Variants in CSMD1 observed in about 807,000 individuals in gnomAD.
The protein encoded by CSMD1 is CUB and Sushi multiple domains 1.
Under a neutral mutation model 417.5 loss-of-function variants are expected in CSMD1, and 213 were observed. That is an observed-to-expected ratio of 0.51 (90% CI 0.46 to 0.57). The LOEUF is 0.57. Among genes scored for constraint, CSMD1 ranks in the 20% least tolerant of loss-of-function variants. The pLI is 0.00. For synonymous variants in CSMD1, 2,862 were observed against 1,736.8 expected, an observed-to-expected ratio of 1.65 and a Z score of -16.11; for missense variants, 6,923 against 4,529.7, an observed-to-expected ratio of 1.53 and a Z score of -15.17.
intron 7 of CSMD1, among the ~76,000 whole-genome samples, chr8:3,696,749 G>C (rs78205737): frequency 1.6e-4 from 24 of 152,322 alleles, no homozygotes; most frequent in African/African-American, 5.5e-4. Context: ...TTATAAACTA[G>C]ATGTCAAGAA....
At chr8:4,478,789 A>G (rs1179475566) in intron 2 of CSMD1, among the ~76,000 whole-genome samples, 3 of 152,218 alleles carry the variant, frequency 2.0e-5, no homozygotes, top group African/African-American at 7.2e-5. Context: ...TGGCATTCAA[A>G]ATATTTAAAT....
intron 3 of CSMD1, among the ~76,000 whole-genome samples, chr8:4,313,574 G>C (rs1375615206): frequency 1.3e-5 from 2 of 150,246 alleles, no homozygotes; most frequent in African/African-American, 2.4e-5. Flanking sequence ...AGGGAAAGAA[G>C]AATGTTGGAA....
At chr8:4,363,034 G>A (rs905799986) in intron 3 of CSMD1, among the ~76,000 whole-genome samples, 3 of 152,144 alleles carry the variant, frequency 2.0e-5, no homozygotes, top group African/African-American at 7.2e-5. Context: ...ATTTACTTCT[G>A]CTACTACGGA....
At chr8:4,609,819 C>T (rs1801070473) in intron 2 of CSMD1, among the ~76,000 whole-genome samples, 2 of 152,092 alleles carry the variant, frequency 1.3e-5, no homozygotes, top group African/African-American at 4.8e-5. Context: ...TACGATAAAA[C>T]CAAGCATCAA....
intron 7 of CSMD1, among the ~76,000 whole-genome samples, chr8:3,686,159 A>C (rs775676667): frequency 7.2e-5 from 11 of 152,112 alleles, no homozygotes; most frequent in Non-Finnish European, 1.6e-4. Context: ...GGTAGGTTTC[A>C]AAATTCTTAT....
chr8:4,908,384 T>C (rs1805438484), intron 1 of CSMD1, among the ~76,000 whole-genome samples: 1 of 152,214 alleles, frequency 6.6e-6, no homozygotes, highest in Non-Finnish European at 1.5e-5. Flanking sequence ...CTTGGTTCTG[T>C]AGTTTAGTGT....
At chr8:3,925,649 A>G (rs1388770943) in intron 5 of CSMD1, among the ~76,000 whole-genome samples, 2 of 152,018 alleles carry the variant, frequency 1.3e-5, no homozygotes, top group Non-Finnish European at 2.9e-5. Flanking sequence ...TGGGCTTATC[A>G]GAGGTTTCCA....
At chr8:3,733,257 T>C (rs547246827) in intron 6 of CSMD1, among the ~76,000 whole-genome samples, 3 of 79,476 alleles carry the variant, frequency 3.8e-5, no homozygotes, top group South Asian at 1.1e-3. Context: ...TTAATATATA[T>C]ACACATACAC....
At chr8:4,769,786 G>T (rs1585070954) in intron 1 of CSMD1, among the ~76,000 whole-genome samples, 1 of 152,118 alleles carries the variant, frequency 6.6e-6, no homozygotes, top group South Asian at 2.1e-4. Context: ...AATGTGAATT[G>T]CCACGTTTAG....
chr8:4,975,872 A>G (rs1436176217), intron 1 of CSMD1, among the ~76,000 whole-genome samples: 1 of 152,232 alleles, frequency 6.6e-6, no homozygotes, highest in Non-Finnish European at 1.5e-5. Flanking sequence ...GCACTCTAAG[A>G]TAAACCAATT....
At chr8:4,109,516 A>C (rs1399473114) in intron 3 of CSMD1, among the ~76,000 whole-genome samples, 1 of 152,138 alleles carries the variant, frequency 6.6e-6, no homozygotes, top group African/African-American at 2.4e-5. Context: ...AAGTAGACTT[A>C]TTGTCAGTAG....
At chr8:3,105,850 G>C (rs16806) in intron 46 of CSMD1, among the ~76,000 whole-genome samples, 110,329 of 152,182 alleles carry the variant, frequency 0.72, 41,250 homozygotes, top group East Asian at 0.96. Flanking sequence ...ATGTGATAAA[G>C]GAAATACTTT....
rs901119240 is a variant in CSMD1, at chr8:3,034,919, G to A, written c.7661-5406C>T. On this transcript the variant is annotated intron_variant, in intron 50 of 69. Coordinates refer to ENST00000635120, the MANE Select transcript of CSMD1 (RefSeq NM_033225.6). The stretch of plus-strand genomic sequence containing the variant: ...CACAGAAGGCAAAGCGTGAGCCAGC[G>A]GCACTGTGGAGAAAGGGAAGGAGGG... Among the ~76,000 whole-genome samples, 7 of 152,214 alleles carry A rather than the reference G, an allele frequency of 4.6e-5. No homozygotes were observed. In the East Asian group the frequency reaches 1.2e-3, roughly 25 times the overall value.
At chr8:4,801,488 G>C (rs1798281916) in intron 1 of CSMD1, among the ~76,000 whole-genome samples, 1 of 151,872 alleles carries the variant, frequency 6.6e-6, no homozygotes, top group African/African-American at 2.4e-5. Context: ...TTCAAATTGA[G>C]GGGCGCAAGT....
At chr8:4,957,720 G>C (rs988921489) in intron 1 of CSMD1, among the ~76,000 whole-genome samples, 7 of 152,070 alleles carry the variant, frequency 4.6e-5, no homozygotes, top group African/African-American at 1.4e-4. Flanking sequence ...TTCTTACCAT[G>C]TCTCTTTTCC....
chr8:4,989,930 A>G (rs147883727), intron 1 of CSMD1, among the ~76,000 whole-genome samples: 2 of 152,286 alleles, frequency 1.3e-5, no homozygotes, highest in East Asian at 3.9e-4. Context: ...GTAAGGAAGC[A>G]TTGCCCCCGG....
chr8:4,411,993 T>TGTGTGTGG (rs1225681098), intron 3 of CSMD1, among the ~76,000 whole-genome samples: 3 of 141,766 alleles, frequency 2.1e-5, no homozygotes, highest in Non-Finnish European at 3.0e-5. Flanking sequence ...GCTAAGGGTG[T>TGTGTGTGG]GTGTGTGTGT....
chr8:3,039,250 G>A (rs1161603454), intron 50 of CSMD1, among the ~76,000 whole-genome samples: 3 of 136,618 alleles, frequency 2.2e-5, no homozygotes, highest in Non-Finnish European at 3.0e-5. Flanking sequence ...TCTGACTCCC[G>A]TGCCTGAAAC....
At chr8:3,617,242 A>G (rs747835189) in intron 7 of CSMD1, among the ~76,000 whole-genome samples, 1 of 152,226 alleles carries the variant, frequency 6.6e-6, no homozygotes, top group Non-Finnish European at 1.5e-5. Context: ...AACATTATGT[A>G]TATTTTAAAC....
Sources: allele counts gnomAD v4.1 joint callset (sites outside exome capture counted in the v4.1 genomes callset), GRCh38; gene constraint gnomAD v4.1.1; transcripts MANE v1.5; gene names NCBI Gene and HGNC (gene_info 2026-07-23, HGNC 2026-07-21).